CYP2C8: variants seen among roughly 807,000 people sequenced by gnomAD.
CYP2C8 encodes the protein cytochrome P450 family 2 subfamily C member 8.
Under a neutral mutation model 41.3 loss-of-function variants are expected in CYP2C8, and 51 were observed. The observed-to-expected ratio is 1.24, with a 90% CI of 0.99 to 1.56. CYP2C8 has a LOEUF of 1.56. Among genes scored for constraint, CYP2C8 ranks in the 40% most tolerant of loss-of-function variants. The pLI is 0.00. For synonymous variants in CYP2C8, 218 were observed against 205.8 expected (o/e 1.06, Z -0.51); for missense variants, 651 against 579.9 (o/e 1.12, Z -1.26).
chr10:95,058,101 C>A lies in CYP2C8; in HGVS notation c.819+234G>T, dbSNP rs1252123441. Among the ~76,000 whole-genome samples the A allele has an allele frequency of 2.0e-5, 3 of 151,984 alleles. No homozygotes were observed. The East Asian group carries it at 5.8e-4, about 29-fold the overall frequency. ...ATTTGACTGCAGTGTCTATATTATTCTACTCATGTAGATTATTTTTATTTC... is the reference window on the plus strand; with the variant it reads ...ATTTGACTGCAGTGTCTATATTATTATACTCATGTAGATTATTTTTATTTC... On this transcript the variant is annotated intron_variant, in intron 5 of 8. Coordinates refer to ENST00000371270, the MANE Select transcript of CYP2C8 (RefSeq NM_000770.3).
chr10:95,039,116 C>T, intron 7 of CYP2C8, 78 bp from the exon 8 acceptor site: 1 of 1,323,832 alleles, frequency 7.6e-7, no homozygotes, highest in Non-Finnish European at 1.1e-6. Flanking sequence ...CACGTAGCGC[C>T]ATAACGTTGA....
intron 3 of CYP2C8, among the ~76,000 whole-genome samples, chr10:95,066,149 A>AGTGTGT (rs751093504): frequency 5.2e-5 from 6 of 116,428 alleles, no homozygotes; most frequent in African/African-American, 2.4e-4. Flanking sequence ...AGAGAGAGAG[A>AGTGTGT]GAGAGTGTGT....
chr10:95,067,476 TC>T (rs1397853708), intron 2 of CYP2C8, 52 bp downstream of exon 2: 8 of 1,613,178 alleles, frequency 5.0e-6, no homozygotes, highest in Non-Finnish European at 6.8e-6. Flanking sequence ...GGCTCTGTTT[TC>T]CATCCCCCTC....
chr10:95,052,473 C>T (rs12359863), intron 5 of CYP2C8, among the ~76,000 whole-genome samples: 29,882 of 151,330 alleles, frequency 0.2, 3,718 homozygotes, highest in Non-Finnish European at 0.29. Flanking sequence ...ACTCTGATAA[C>T]AAAACCAAAG....
At position 95,037,166 on chromosome 10, in the gene CYP2C8, G is replaced by C; in HGVS notation, c.1435C>G (p.Leu479Val). ...AAGCAGATCTGGTATGAGGGTGGCA[G>C]AGAAACAATCCCTTTGGTAACTGCA... is the stretch of plus-strand genomic sequence containing the variant. The part of the protein sequence containing the change: ...TTAVTKGIVS[L>V]PPSYQICFIP... The change falls in exon 9 of 9, where the codon CTG becomes GTG. Residue 479 changes from leucine to valine, a missense_variant. Physicochemically the swap from Leu to Val is conservative, Grantham distance 32. Coordinates refer to ENST00000371270, the MANE Select transcript of CYP2C8 (RefSeq NM_000770.3). 1 of 1,614,000 alleles carries C rather than the reference G, an allele frequency of 6.2e-7. No individual in the cohort carries two copies. The highest frequency in any genetic ancestry group is 8.5e-7 in the Non-Finnish European group (1 of 1,179,888).
chr10:95,066,153 A>AGAGAGTGTGTGTGTGT (rs1342809282), intron 3 of CYP2C8, among the ~76,000 whole-genome samples: 5 of 88,272 alleles, frequency 5.7e-5, no homozygotes, highest in African/African-American at 2.2e-4. Context: ...AGAGAGAGAG[A>AGAGAGTGTGTGTGTGT]GTGTGTGTGT....
In CYP2C8 at chr10:95,058,511, C is replaced by CCTTTA. The variant is rs763283278; in HGVS notation, c.643-1_643insTAAAG (p.Val215Ter). The CCTTTA allele has an allele frequency of 6.2e-7, 1 of 1,609,166 alleles. No individual in the cohort carries two copies. Among genetic ancestry groups the CCTTTA allele is most frequent in the East Asian group, 2.2e-5 (1 of 44,640 alleles). On this transcript the variant is annotated stop_gained and frameshift_variant and splice_region_variant. Coordinates refer to ENST00000371270, the MANE Select transcript of CYP2C8 (RefSeq NM_000770.3). LOFTEE classifies it high-confidence loss of function. ...ATGAGTAGAGGGAAATTATTGCAGA[C>CCTTTA]CTAAAAGAGAAAAGAATATTAAATA...
chr10:95,068,705 A>C, intron 1 of CYP2C8: 2 of 868,576 alleles, frequency 2.3e-6, no homozygotes, highest in Non-Finnish European at 3.3e-6. Context: ...AATGACCCCA[A>C]TGTTTCTGTA....
intron 5 of CYP2C8, among the ~76,000 whole-genome samples, chr10:95,049,753 C>T (rs1361935604): frequency 6.6e-6 from 1 of 152,088 alleles, no homozygotes; most frequent in Non-Finnish European, 1.5e-5. Flanking sequence ...GAGGTGCAAC[C>T]TACTGAGACA....
At chr10:95,059,718 C>T (rs2033384916) in intron 4 of CYP2C8, among the ~76,000 whole-genome samples, 1 of 152,150 alleles carries the variant, frequency 6.6e-6, no homozygotes, top group Non-Finnish European at 1.5e-5. Context: ...AGTCCTTGCC[C>T]ATGCCTATGT....
intron 5 of CYP2C8, among the ~76,000 whole-genome samples, chr10:95,054,264 A>G (rs1167073515): frequency 6.6e-6 from 1 of 152,130 alleles, no homozygotes; most frequent in Non-Finnish European, 1.5e-5. Context: ...AAGAAAATCA[A>G]TCAATGTAAT....
chr10:95,063,325 G>T (rs900188896), intron 4 of CYP2C8, among the ~76,000 whole-genome samples: 3 of 152,144 alleles, frequency 2.0e-5, no homozygotes, highest in South Asian at 2.1e-4. Context: ...TTTCTTGGAG[G>T]CTTTGTGCAT....
chr10:95,058,375 G>C lies in CYP2C8; in HGVS notation c.779C>G (p.Pro260Arg). Residue 260 changes from proline to arginine, a missense_variant, in exon 5 of 9, where the codon CCT becomes CGT. By Grantham distance (103) the Pro-to-Arg change is moderately radical. Transcript: ENST00000371270. The part of the protein sequence containing the change: ...EHQASLDVNN[P>R]RDFIDCFLIK... ...CAGGAAGCAATCGATAAAGTCCCGA[G>C]GATTGTTAACATCCAGTGATGCTTG... 1 of 1,613,416 alleles carries C rather than the reference G, an allele frequency of 6.2e-7. No individual in the cohort carries two copies. Among genetic ancestry groups the C allele is most frequent in the Non-Finnish European group, 8.5e-7 (1 of 1,179,604 alleles).
Position 95,069,328 on chromosome 10 carries a change from C to T in CYP2C8, c.75G>A (p.Arg25=), listed in dbSNP as rs560886948. 1 of 1,614,082 alleles carries T rather than the reference C, an allele frequency of 6.2e-7. No homozygotes were observed. The highest frequency in any genetic ancestry group is 2.2e-5 in the East Asian group (1 of 44,882). Residue 25 remains arginine (R), a synonymous_variant, in exon 1 of 9, where the codon AGG becomes AGA. Transcript: ENST00000371270. ...LLFSLWRQSC[R]RRKLPPGPTP... ...TGGGGCCAGGAGGGAGCTTCCTTCT[C>T]CTACAGCTCTGTCTCCAGAGTGAAA...
chr10:95,058,603 A>C, intron 4 of CYP2C8, 92 bp from the exon 5 acceptor site: 1 of 1,155,570 alleles, frequency 8.7e-7, no homozygotes, highest in Non-Finnish European at 1.2e-6. Context: ...ATAAATATGA[A>C]TAAGACATCA....
At chr10:95,062,913 G>T (rs1309161769) in intron 4 of CYP2C8, among the ~76,000 whole-genome samples, 1 of 152,142 alleles carries the variant, frequency 6.6e-6, no homozygotes, top group Non-Finnish European at 1.5e-5. Context: ...AGTTTGGCTG[G>T]ATATGAAATT....
intron 4 of CYP2C8, among the ~76,000 whole-genome samples, 174 bp downstream of exon 4, chr10:95,064,626 G>A (rs934162605): frequency 6.6e-6 from 1 of 152,136 alleles, no homozygotes; most frequent in African/African-American, 2.4e-5. Context: ...TGTACCTAAA[G>A]ATTGGAGGCT....
At position 95,064,975 on chromosome 10, in the gene CYP2C8, A is replaced by ATT. The variant is rs752153731; in HGVS notation, c.482-17_482-16dup. 1 of 1,447,238 alleles carries ATT rather than the reference A, an allele frequency of 6.9e-7. No homozygotes were observed. Among genetic ancestry groups the ATT allele is most frequent in the Non-Finnish European group, 9.1e-7 (1 of 1,097,532 alleles). 89.6% of individuals were successfully genotyped at this position (1,447,238 alleles called of 1,614,324 possible). A position where few individuals can be genotyped will look rare whatever the true frequency, so the allele number is the denominator to read the frequency against. On this transcript the variant is annotated splice_polypyrimidine_tract_variant and intron_variant, in intron 3 of 8. Transcript: ENST00000371270. Reference sequence around the variant, plus strand: ...ACAGGGTGAAGCTAAAGATTTAAAAATTTTTAAAAAAATTATTAAAAAATA... The same window carrying ATT: ...ACAGGGTGAAGCTAAAGATTTAAAAATTTTTTTAAAAAAATTATTAAAAAATA...
At chr10:95,049,320 C>T (rs190984067) in intron 5 of CYP2C8, among the ~76,000 whole-genome samples, 86 of 152,194 alleles carry the variant, frequency 5.7e-4, no homozygotes, top group African/African-American at 1.9e-3. Flanking sequence ...GAGCATGCAC[C>T]TTGATTTAAA....
Sources: gnomAD v4.1 joint callset for allele counts (sites outside exome capture counted in the v4.1 genomes callset) on GRCh38, gnomAD v4.1.1 for gene constraint, MANE v1.5 for transcripts, NCBI Gene and HGNC (gene_info 2026-07-23, HGNC 2026-07-21) for gene names.